APC: variants seen among roughly 807,000 people sequenced by gnomAD.
APC encodes the protein APC regulator of Wnt signaling pathway.
A neutral mutation model predicts 247.0 loss-of-function variants in APC; 72 were observed. That is an observed-to-expected ratio of 0.29 (90% CI 0.24 to 0.35). APC has a LOEUF of 0.35. APC is among the 10% of genes least tolerant of loss of function. APC has a pLI of 1.00. For synonymous variants in APC, 1,254 were observed against 1,162.5 expected (o/e 1.08, Z -1.60); for missense variants, 3,400 against 3,360.7 (o/e 1.01, Z -0.29).
chr5:112,774,432 C>T (rs994199853), intron 4 of APC, among the ~76,000 whole-genome samples: 1 of 150,532 alleles, frequency 6.6e-6, no homozygotes, highest in African/African-American at 2.4e-5. Context: ...AAGGGATACT[C>T]AACCTGTGCC....
At chr5:112,717,597 A>G (rs955352965) in intron 1 of APC, among the ~76,000 whole-genome samples, 1 of 152,108 alleles carries the variant, frequency 6.6e-6, no homozygotes, top group Non-Finnish European at 1.5e-5. Context: ...ATTTCAGCAC[A>G]TTTCATTGTT....
At position 112,827,945 on chromosome 5, in the gene APC, T is replaced by C. The variant is rs1763872162; in HGVS notation, c.1565T>C (p.Met522Thr). The C allele has an allele frequency of 6.2e-7, 1 of 1,613,200 alleles. No individual in the cohort carries two copies. Among genetic ancestry groups the C allele is most frequent in the Non-Finnish European group, 8.5e-7 (1 of 1,179,680 alleles). ...AATTTACAGGCTACGCTATGCTCTA[T>C]GAAAGGCTGCATGAGAGCACTTGTG... ...DVANKATLCSMKGCMRALVAQ... is the reference protein window; with the variant it reads ...DVANKATLCSTKGCMRALVAQ... Residue 522 changes from methionine (M) to threonine (T), a missense_variant, in exon 13 of 16, where the codon ATG (methionine) becomes ACG (threonine). Coordinates refer to ENST00000257430, the MANE Select transcript of APC (RefSeq NM_000038.6).
intron 2 of APC, among the ~76,000 whole-genome samples, chr5:112,764,033 C>G (rs139800508): frequency 1.3e-3 from 197 of 150,070 alleles, no homozygotes; most frequent in African/African-American, 4.7e-3. Context: ...GTCAGGAGAT[C>G]GAGACCATCC....
chr5:112,720,021 T>C (rs1751395746), intron 1 of APC, among the ~76,000 whole-genome samples: 1 of 152,220 alleles, frequency 6.6e-6, no homozygotes, highest in South Asian at 2.1e-4. Context: ...TTAAATCTGT[T>C]GAATATGGAA....
rs139196838 is a variant in APC, at chr5:112,767,263, C to T, written c.295C>T (p.Arg99Trp). ...AATGTCCCTCCGTTCTTATGGAAGC[C>T]GGGAAGGATCTGTATCAAGCCGTTC... ...SKMSLRSYGSREGSVSSRSGE... is the reference protein window; with the variant it reads ...SKMSLRSYGSWEGSVSSRSGE... The change falls in exon 4 of 16, where the codon CGG (arginine) becomes TGG (tryptophan). Residue 99 changes from arginine (R) to tryptophan (W), a missense_variant. This residue lies in a region of APC where 372 missense variants were observed against 367.6 expected (regional missense o/e 1.01). Transcript: ENST00000257430. The T allele has an allele frequency of 7.8e-4, 1,256 of 1,613,920 alleles. 1 individual carries two copies. The highest frequency in any genetic ancestry group is 1.0e-3 in the Non-Finnish European group (1,177 of 1,180,018).
chr5:112,835,391 G>A (rs1764776131), intron 15 of APC, among the ~76,000 whole-genome samples: 1 of 152,030 alleles, frequency 6.6e-6, no homozygotes, highest in Non-Finnish European at 1.5e-5. Flanking sequence ...TAGTTGAGAG[G>A]TGTAGCCCAT....
At chr5:112,759,349 T>C (rs897779470) in intron 2 of APC, among the ~76,000 whole-genome samples, 2 of 147,664 alleles carry the variant, frequency 1.4e-5, no homozygotes. Flanking sequence ...TCTTTCTTTC[T>C]TTCTTTCTTT....
chr5:112,734,861 G>A (rs1425517740), upstream of APC, among the ~76,000 whole-genome samples: 1 of 150,764 alleles, frequency 6.6e-6, no homozygotes, highest in East Asian at 1.9e-4. Flanking sequence ...TGTGATCTCG[G>A]CTCACTGCAG....
At chr5:112,833,180 ATTTTT>A (rs35482005) in intron 14 of APC, among the ~76,000 whole-genome samples, 1 of 122,220 alleles carries the variant, frequency 8.2e-6, no homozygotes. Context: ...TGCCTGGCTA[ATTTTT>A]TTTTTTTTTT....
intron 1 of APC, among the ~76,000 whole-genome samples, chr5:112,717,293 C>G (rs988828232): frequency 2.0e-5 from 3 of 152,122 alleles, no homozygotes; most frequent in Non-Finnish European, 2.9e-5. Context: ...CCAGCCCCTA[C>G]TCATACAGTT....
upstream of APC, among the ~76,000 whole-genome samples, chr5:112,735,146 T>A (rs1013444649): frequency 2.6e-5 from 4 of 152,098 alleles, no homozygotes; most frequent in African/African-American, 7.2e-5. Flanking sequence ...TAAACAGTGT[T>A]ACACAATTTA....
intron 7 of APC, among the ~76,000 whole-genome samples, chr5:112,798,556 A>C (rs1760449592): frequency 6.6e-6 from 1 of 152,218 alleles, no homozygotes; most frequent in African/African-American, 2.4e-5. Context: ...TAAATACCTC[A>C]CCAAAATTTT....
At chr5:112,710,447 G>A (rs1176440621) in intron 1 of APC, among the ~76,000 whole-genome samples, 1 of 151,918 alleles carries the variant, frequency 6.6e-6, no homozygotes, top group African/African-American at 2.4e-5. Flanking sequence ...CTTTTCAAGA[G>A]CAACCCCCTC....
rs1554088753 is a variant in APC at position 112,843,512 on chromosome 5, T to C, written c.7918T>C (p.Ser2640Pro). The change falls in exon 16 of 16, where the codon TCA (serine) becomes CCA (proline). Residue 2640 changes from serine to proline, a missense_variant. Coordinates refer to ENST00000257430, the MANE Select transcript of APC (RefSeq NM_000038.6). This position sits in a 1 kb window ranked among gnomAD's most constrained non-coding sequence, Gnocchi z 4.8. ...VSSGATNGAE[S>P]KTLIYQMAPA... ...CTCAGGTGCTACAAATGGTGCTGAA[T>C]CAAAGACTCTAATTTATCAAATGGC... The C allele has an allele frequency of 6.2e-7, 1 of 1,613,858 alleles. No individual in the cohort carries two copies. The highest frequency in any genetic ancestry group is 8.5e-7 in the Non-Finnish European group (1 of 1,179,786).
At chr5:112,735,925 A>G (rs1316199411), upstream of APC, among the ~76,000 whole-genome samples, 1 of 152,258 alleles carries the variant, frequency 6.6e-6, no homozygotes, top group African/African-American at 2.4e-5. Flanking sequence ...CATTTTGGCT[A>G]CAAACTGGTT....
chr5:112,715,388 T>C (rs1751107479), intron 1 of APC, among the ~76,000 whole-genome samples: 1 of 152,048 alleles, frequency 6.6e-6, no homozygotes, highest in Non-Finnish European at 1.5e-5. Context: ...TAGAATAAAA[T>C]AGGTTCAGGG....
rs543098847 is a variant in APC at position 112,707,590 on chromosome 5, G to C, written c.-128G>C. The C allele has an allele frequency of 7.1e-5, 70 of 982,108 alleles. 1 individual carries two copies. Among genetic ancestry groups the C allele is most frequent in the South Asian group, 6.6e-4 (44 of 66,844 alleles). The allele number at this position is 982,108 out of a possible 1,614,324, so 60.8% of individuals were successfully genotyped here. A position where few individuals can be genotyped will look rare whatever the true frequency, so the allele number is the denominator to read the frequency against. The stretch of plus-strand genomic sequence containing the variant: ...CCGGAAGCCTAGCCGCTGCTCGGGG[G>C]GGACCTGCGGGCTCAGGCCCGGGAG... On this transcript the variant is annotated 5_prime_UTR_variant, in exon 1 of 14. Coordinates refer to the APC transcript ENST00000507379.
chr5:112,836,692 A>C (rs1281447083), intron 15 of APC, among the ~76,000 whole-genome samples: 1 of 152,006 alleles, frequency 6.6e-6, no homozygotes, highest in Non-Finnish European at 1.5e-5. Flanking sequence ...TCTGCCAAAG[A>C]GCAGTTTTTC....
Position 112,842,512 on chromosome 5 carries a change from T to G in APC, c.6918T>G (p.Asp2306Glu), listed in dbSNP as rs1060503350. 1 of 1,614,072 alleles carries G rather than the reference T, an allele frequency of 6.2e-7. No individual in the cohort carries two copies. Among genetic ancestry groups the G allele is most frequent in the South Asian group, 1.1e-5 (1 of 91,078 alleles). The change falls in exon 16 of 16, where the codon GAT (aspartate) becomes GAG (glutamate). Residue 2306 changes from aspartate (D) to glutamate (E), a missense_variant. Asp to Glu is a conservative substitution (Grantham distance 45). Transcript: ENST00000257430. Reference sequence around the variant, plus strand: ...CACCTTCTAGATCAGGATCTAGAGATTCGACCCCTTCAAGACCTGCCCAGC... The same window carrying G: ...CACCTTCTAGATCAGGATCTAGAGAGTCGACCCCTTCAAGACCTGCCCAGC... ...SKAPSRSGSR[D>E]STPSRPAQQP...
Sources: gnomAD v4.1 joint callset for allele counts (sites outside exome capture counted in the v4.1 genomes callset) on GRCh38, gnomAD v4.1.1 for gene constraint, gnomAD v4.1.1 regional missense constraint, Gnocchi (gnomAD v3.1) non-coding constraint, MANE v1.5 for transcripts, NCBI Gene and HGNC (gene_info 2026-07-23, HGNC 2026-07-21) for gene names.